Variants in EXOC6B observed in about 807,000 individuals in gnomAD.
The protein encoded by EXOC6B is exocyst complex component 6B, also known as SEC15 homolog B.
A neutral mutation model predicts 113.5 loss-of-function variants in EXOC6B; 54 were observed. That is an observed-to-expected ratio of 0.48 (90% confidence interval 0.38 to 0.60). The LOEUF (loss-of-function observed/expected upper bound fraction) is 0.60, where lower values mean the gene tolerates loss of function less well. EXOC6B is among the 20% of genes least tolerant of loss of function. The probability of loss-of-function intolerance (pLI) is 0.00; values close to 1 mark genes in which losing one functional copy is unlikely to be tolerated. For synonymous variants in EXOC6B, 357 were observed against 339.0 expected (o/e 1.05, Z -0.58); for missense variants, 797 against 977.5 (o/e 0.82, Z 2.46).
At chr2:72,396,801 T>C (rs1365180360) in intron 18 of EXOC6B, among the ~76,000 whole-genome samples, 1 of 152,008 alleles carries the variant, frequency 6.6e-6, no homozygotes, top group Admixed American at 6.6e-5. Context: ...CCCTGCCAAA[T>C]TGTGTTATTG....
intron 18 of EXOC6B, among the ~76,000 whole-genome samples, chr2:72,427,734 G>C (rs1695289489): frequency 6.6e-6 from 1 of 152,174 alleles, no homozygotes; most frequent in Non-Finnish European, 1.5e-5. Flanking sequence ...AAGGGGGCGG[G>C]ACCCTGGTGA....
At chr2:72,705,332 T>C (rs1032907069) in intron 6 of EXOC6B, among the ~76,000 whole-genome samples, 1 of 152,046 alleles carries the variant, frequency 6.6e-6, no homozygotes, top group African/African-American at 2.4e-5. Context: ...TATTTCAAAA[T>C]AATAAGAGCT....
intron 18 of EXOC6B, among the ~76,000 whole-genome samples, chr2:72,404,164 G>T (rs1432594737): frequency 2.6e-5 from 4 of 152,134 alleles, no homozygotes; most frequent in Non-Finnish European, 5.9e-5. Flanking sequence ...GCTGGGGGAG[G>T]GGCGCCCACC....
chr2:72,688,063 G>A (rs1057504237), intron 6 of EXOC6B, among the ~76,000 whole-genome samples: 2 of 152,140 alleles, frequency 1.3e-5, no homozygotes, highest in African/African-American at 4.8e-5. Flanking sequence ...CCCCACCAAG[G>A]TAACTGTCCA....
chr2:72,672,610 T>A (rs1386728954), intron 6 of EXOC6B, among the ~76,000 whole-genome samples: 1 of 148,644 alleles, frequency 6.7e-6, no homozygotes, highest in East Asian at 2.0e-4. Context: ...ATATACACAA[T>A]GGAATACTAC....
At position 72,298,750 on chromosome 2, in the gene EXOC6B, T is replaced by C. The variant is rs192632277; in HGVS notation, c.2196+36197A>G. ...TTTCTCCTTCACTTATGAAGCTTAG[T>C]TTGGCTGGATATGAAATTCCGGGTT... On this transcript the variant is annotated intron_variant, in intron 20 of 21. Transcript: ENST00000272427. 8.2e-3 allele frequency among the ~76,000 whole-genome samples: 1,243 copies of C among 152,286 alleles called. 11 individuals are homozygous for C. Among genetic ancestry groups the C allele is most frequent in the Non-Finnish European group, 0.013 (902 of 68,014 alleles).
Position 72,194,823 on chromosome 2 carries a change from G to A in EXOC6B, c.2197-10636C>T, listed in dbSNP as rs140643827. ...TTTCTGATCTCTGTAGATTAAGGGG[G>A]TCAAGCTTATACCTGAGCTTTGCAA... On this transcript the variant is annotated intron_variant, in intron 20 of 21. Coordinates refer to ENST00000272427, the MANE Select transcript of EXOC6B (RefSeq NM_015189.3). 1.2e-4 allele frequency among the ~76,000 whole-genome samples: 19 copies of A among 152,212 alleles called. No homozygotes were observed. In the East Asian group the frequency reaches 2.7e-3, roughly 22 times the overall value.
At chr2:72,391,826 A>G (rs1200428591) in intron 18 of EXOC6B, among the ~76,000 whole-genome samples, 1 of 152,152 alleles carries the variant, frequency 6.6e-6, no homozygotes, top group East Asian at 1.9e-4. Context: ...GGATCCTGTG[A>G]GCCCAGGAAT....
At position 72,542,024 on chromosome 2, in the gene EXOC6B, G is replaced by A. The variant is rs563166001; in HGVS notation, c.915+17429C>T. ...TATATCAACATTTCTTATAATTTCA[G>A]GGCAATGAGAAATCTCTAACCTTAG... On this transcript the variant is annotated intron_variant, in intron 8 of 21. Coordinates refer to ENST00000272427, the MANE Select transcript of EXOC6B (RefSeq NM_015189.3). Among the ~76,000 whole-genome samples the A allele has an allele frequency of 3.9e-5, 6 of 152,170 alleles. No individual in the cohort carries two copies. The South Asian group carries it at 1.2e-3, about 32-fold the overall frequency.
chr2:72,642,900 A>C lies in EXOC6B; in HGVS notation c.670-67232T>G, dbSNP rs1276119522. 6.1e-5 allele frequency among the ~76,000 whole-genome samples: 9 copies of C among 148,722 alleles called. No homozygotes were observed. The East Asian group carries it at 1.6e-3, about 27-fold the overall frequency. ...GGCTAATATCCAGAATCTACAATGA[A>C]CTCAAACAAATTTACAAGAAAAAAA... On this transcript the variant is annotated intron_variant, in intron 6 of 21. Coordinates refer to ENST00000272427, the MANE Select transcript of EXOC6B (RefSeq NM_015189.3).
chr2:72,638,818 G>A (rs1673026720), intron 6 of EXOC6B, among the ~76,000 whole-genome samples: 2 of 152,110 alleles, frequency 1.3e-5, no homozygotes, highest in Admixed American at 6.5e-5. Context: ...TAGGCTCAAC[G>A]TGCTTCCATA....
intron 17 of EXOC6B, among the ~76,000 whole-genome samples, chr2:72,467,972 T>C (rs1378316544): frequency 6.6e-6 from 1 of 152,106 alleles, no homozygotes; most frequent in Non-Finnish European, 1.5e-5. Context: ...TGTTTCACCA[T>C]GTTGGCCAGG....
At chr2:72,330,430 A>C (rs1002634276) in intron 20 of EXOC6B, among the ~76,000 whole-genome samples, 1 of 152,118 alleles carries the variant, frequency 6.6e-6, no homozygotes, top group Non-Finnish European at 1.5e-5. Context: ...AGATCAGCCT[A>C]ATACTTAAAA....
chr2:72,281,612 G>A (rs767388912), intron 20 of EXOC6B, among the ~76,000 whole-genome samples: 6 of 152,106 alleles, frequency 3.9e-5, no homozygotes, highest in African/African-American at 1.2e-4. Context: ...AGACTGAAGC[G>A]GAAAGCAAAA....
chr2:72,514,239 A>T (rs1283979719), intron 10 of EXOC6B, among the ~76,000 whole-genome samples: 1 of 152,288 alleles, frequency 6.6e-6, no homozygotes, highest in African/African-American at 2.4e-5. Context: ...GAAAGAGACC[A>T]TATGGCCTAC....
chr2:72,272,210 T>C (rs1304381926), intron 20 of EXOC6B, among the ~76,000 whole-genome samples: 3 of 152,178 alleles, frequency 2.0e-5, no homozygotes, highest in African/African-American at 7.2e-5. Flanking sequence ...GGAGTTCATC[T>C]TGGATAAGTG....
chr2:72,821,576 A>G (rs1686584042), intron 1 of EXOC6B, among the ~76,000 whole-genome samples: 1 of 152,194 alleles, frequency 6.6e-6, no homozygotes, highest in South Asian at 2.1e-4. Context: ...CCAAATGTCC[A>G]TCAACTGATG....
intron 6 of EXOC6B, among the ~76,000 whole-genome samples, chr2:72,600,494 GCAAAAGAACAGAAAAATAAAT>G (rs1670355305): frequency 1.4e-5 from 2 of 146,462 alleles, no homozygotes; most frequent in Admixed American, 6.8e-5. Flanking sequence ...TGTGATATTG[GCAAAAGAACAGAAAAATAAAT>G]CAAAAGAACA....
At chr2:72,676,141 AG>A (rs1412823664) in intron 6 of EXOC6B, among the ~76,000 whole-genome samples, 1 of 150,024 alleles carries the variant, frequency 6.7e-6, no homozygotes, top group African/African-American at 2.5e-5. Flanking sequence ...AAAAAAAAAA[AG>A]AAGAAGAAGA....
Sources: gnomAD v4.1 joint callset for allele counts (sites outside exome capture counted in the v4.1 genomes callset) on GRCh38, gnomAD v4.1.1 for gene constraint, MANE v1.5 for transcripts, NCBI Gene and HGNC (gene_info 2026-07-23, HGNC 2026-07-21) for gene names.